Variants in AGAP1 observed in about 807,000 individuals in gnomAD.
AGAP1 encodes arf-GAP with GTPase, ANK repeat and PH domain-containing protein 1.
Under a neutral mutation model 105.3 loss-of-function variants are expected in AGAP1, and 29 were observed. The ratio of observed to expected loss-of-function variants is 0.28; its 90% CI spans 0.21 to 0.38. The LOEUF (loss-of-function observed/expected upper bound fraction) is 0.38, where lower values mean the gene tolerates loss of function less well. Among genes scored for constraint, AGAP1 ranks in the 10% least tolerant of loss-of-function variants. The probability of loss-of-function intolerance (pLI) is 1.00; values close to 1 mark genes in which losing one functional copy is unlikely to be tolerated. For missense variants in AGAP1, 998 were observed against 1,165.1 expected, an observed-to-expected ratio of 0.86 and a Z score of 2.09; for synonymous variants, 509 against 485.9, an observed-to-expected ratio of 1.05 and a Z score of -0.63.
intron 1 of AGAP1, among the ~76,000 whole-genome samples, chr2:235,593,798 C>CT (rs1472463142): frequency 3.9e-5 from 6 of 151,978 alleles, no homozygotes; most frequent in Non-Finnish European, 8.8e-5. Context: ...ACCCACATCT[C>CT]TAAAAACAAA....
intron 9 of AGAP1, among the ~76,000 whole-genome samples, 184 bp downstream of exon 9, chr2:235,807,515 A>G (rs899148791): frequency 6.6e-6 from 1 of 152,230 alleles, no homozygotes; most frequent in African/African-American, 2.4e-5. Context: ...TTAGAATGAG[A>G]AGAGGGAACG....
chr2:235,605,345 G>A (rs896216455), intron 1 of AGAP1, among the ~76,000 whole-genome samples: 1 of 152,200 alleles, frequency 6.6e-6, no homozygotes, highest in African/African-American at 2.4e-5. Context: ...TACCGATGAG[G>A]AAAGGGAGAT....
At chr2:236,039,649 GCTATGCAGCCATTTAAA>G in intron 14 of AGAP1, among the ~76,000 whole-genome samples, 1 of 152,196 alleles carries the variant, frequency 6.6e-6, no homozygotes, top group Non-Finnish European at 1.5e-5. Flanking sequence ...TAAGTGGAAT[GCTATGCAGCCATTTAAA>G]ATGATGATGT....
intron 9 of AGAP1, among the ~76,000 whole-genome samples, chr2:235,820,273 A>G (rs1185161446): frequency 1.3e-5 from 2 of 152,210 alleles, no homozygotes; most frequent in Non-Finnish European, 2.9e-5. Flanking sequence ...TATTCATTAA[A>G]TTGTATTTTC....
Position 235,751,712 on chromosome 2 carries a change from G to A in AGAP1, c.673+1224G>A, listed in dbSNP as rs898946426. ...AGTGAGGTTCCTTTCTAAGCCTGCCGTCTCTTCCCGCGCATCTCTGCCTCT... is the reference window on the plus strand; with the variant it reads ...AGTGAGGTTCCTTTCTAAGCCTGCCATCTCTTCCCGCGCATCTCTGCCTCT... On this transcript the variant is annotated intron_variant, in intron 6 of 17. Coordinates refer to ENST00000304032, the MANE Select transcript of AGAP1 (RefSeq NM_001037131.3). This position sits in a 1 kb window ranked among gnomAD's most constrained non-coding sequence, Gnocchi z 5.3. 5.3e-5 allele frequency among the ~76,000 whole-genome samples: 8 copies of A among 152,216 alleles called. No homozygotes were observed. Among genetic ancestry groups the A allele is most frequent in the East Asian group, 1.9e-4 (1 of 5,180 alleles).
intron 12 of AGAP1, among the ~76,000 whole-genome samples, chr2:235,940,098 A>G (rs1366159222): frequency 6.6e-6 from 1 of 152,034 alleles, no homozygotes; most frequent in Non-Finnish European, 1.5e-5. Context: ...TCCTCCCAGT[A>G]GTTCAAAACA....
At chr2:235,886,668 A>G (rs2050291048) in intron 10 of AGAP1, among the ~76,000 whole-genome samples, 1 of 152,218 alleles carries the variant, frequency 6.6e-6, no homozygotes, top group African/African-American at 2.4e-5. Context: ...TTCAAATGCA[A>G]TCCTTTTAAT....
intron 15 of AGAP1, among the ~76,000 whole-genome samples, chr2:236,043,756 G>A (rs1345296490): frequency 1.3e-5 from 2 of 151,120 alleles, no homozygotes; most frequent in Non-Finnish European, 2.9e-5. Flanking sequence ...GTGCTTAATT[G>A]AGATAAAGAA....
intron 13 of AGAP1, among the ~76,000 whole-genome samples, chr2:236,025,068 G>T (rs2057009464): frequency 6.6e-6 from 1 of 152,210 alleles, no homozygotes; most frequent in African/African-American, 2.4e-5. Flanking sequence ...TGCTGTCTGT[G>T]TGTGTATCTG....
intron 6 of AGAP1, among the ~76,000 whole-genome samples, chr2:235,770,442 T>A (rs1317518410): frequency 1.3e-5 from 2 of 152,020 alleles, no homozygotes; most frequent in African/African-American, 4.8e-5. Context: ...GCCTCTTTCT[T>A]TTTGAGACAG....
chr2:235,682,678 T>G (rs1208789948), intron 1 of AGAP1, among the ~76,000 whole-genome samples: 1 of 152,100 alleles, frequency 6.6e-6, no homozygotes. Context: ...ATTTGTGACC[T>G]TTAGCAAGTT....
In AGAP1 at chr2:235,553,781, T is replaced by C. The variant is rs1259974199; in HGVS notation, c.163+58932T>C. Among the ~76,000 whole-genome samples, 1 of 152,082 alleles carries C rather than the reference T, an allele frequency of 6.6e-6. No individual in the cohort carries two copies. Among genetic ancestry groups the C allele is most frequent in the Non-Finnish European group, 1.5e-5 (1 of 68,022 alleles). On this transcript the variant is annotated intron_variant, in intron 1 of 17. Coordinates refer to ENST00000304032, the MANE Select transcript of AGAP1 (RefSeq NM_001037131.3). The surrounding 1 kb of genome is among the most constrained non-coding windows in gnomAD (Gnocchi z 4.5). ...GGGCACCTCTGAGCACATGTGACATTCGTAAGTGGCACTCCTCATGCTGAG... is the reference window on the plus strand; with the variant it reads ...GGGCACCTCTGAGCACATGTGACATCCGTAAGTGGCACTCCTCATGCTGAG...
chr2:235,882,487 C>CTG lies in AGAP1; in HGVS notation c.1051-857_1051-856dup. ...GCGATTCCCCCCACGTCTGGTTTGTCTGCCATTTTCTTAAAACAATCGGTA... is the reference window on the plus strand; with the variant it reads ...GCGATTCCCCCCACGTCTGGTTTGTCTGTGCCATTTTCTTAAAACAATCGGTA... On this transcript the variant is annotated intron_variant, in intron 9 of 17. Coordinates refer to ENST00000304032, the MANE Select transcript of AGAP1 (RefSeq NM_001037131.3). This position sits in a 1 kb window ranked among gnomAD's most constrained non-coding sequence, Gnocchi z 4.6. 1 of 1,541,656 alleles carries CTG rather than the reference C, an allele frequency of 6.5e-7. No homozygotes were observed. Among genetic ancestry groups the CTG allele is most frequent in the South Asian group, 1.1e-5 (1 of 88,798 alleles).
intron 1 of AGAP1, among the ~76,000 whole-genome samples, chr2:235,696,190 C>T (rs147590844): frequency 2.4e-3 from 360 of 152,292 alleles, no homozygotes; most frequent in Non-Finnish European, 4.2e-3. Context: ...GGATTACAGG[C>T]GTGCACCCCC....
intron 5 of AGAP1, among the ~76,000 whole-genome samples, chr2:235,746,030 G>T (rs1484809690): frequency 3.3e-5 from 5 of 152,176 alleles, no homozygotes; most frequent in Non-Finnish European, 7.3e-5. Flanking sequence ...GGAGGCTGAG[G>T]CAGGAGGATC....
chr2:236,019,781 G>C (rs1040281796), intron 13 of AGAP1, among the ~76,000 whole-genome samples: 1 of 152,218 alleles, frequency 6.6e-6, no homozygotes, highest in Admixed American at 6.5e-5. Flanking sequence ...CTCCAGCAGA[G>C]GAAGAAGGCA....
At chr2:235,495,107 A>G (rs1302826558) in intron 1 of AGAP1, among the ~76,000 whole-genome samples, 1 of 152,150 alleles carries the variant, frequency 6.6e-6, no homozygotes, top group East Asian at 1.9e-4. Flanking sequence ...CCTGCGGGAA[A>G]GTGGCTCGGT....
intron 1 of AGAP1, among the ~76,000 whole-genome samples, chr2:235,572,164 G>A (rs1241895882): frequency 6.6e-6 from 1 of 151,768 alleles, no homozygotes; most frequent in Non-Finnish European, 1.5e-5. Context: ...AATGAAGAAA[G>A]TGTTACCAGG....
intron 1 of AGAP1, among the ~76,000 whole-genome samples, chr2:235,595,980 T>C (rs1574929312): frequency 6.6e-6 from 1 of 152,214 alleles, no homozygotes; most frequent in Non-Finnish European, 1.5e-5. Flanking sequence ...TTGCGTACTG[T>C]GTACAGGGGC....
Sources: allele counts gnomAD v4.1 joint callset (sites outside exome capture counted in the v4.1 genomes callset), GRCh38; gene constraint gnomAD v4.1.1; non-coding constraint Gnocchi (gnomAD v3.1); transcripts MANE v1.5; gene names NCBI Gene and HGNC (gene_info 2026-07-23, HGNC 2026-07-21).